The following CSMD1 variants were observed in gnomAD, a reference collection of about 807,000 sequenced individuals.
The protein encoded by CSMD1 is CUB and sushi domain-containing protein 1.
Under a neutral mutation model 417.5 loss-of-function variants are expected in CSMD1, and 213 were observed. The observed-to-expected ratio is 0.51, with a 90% CI of 0.46 to 0.57. The LOEUF is 0.57. CSMD1 is among the 20% of genes least tolerant of loss of function. The pLI is 0.00. For synonymous variants in CSMD1, 2,862 were observed against 1,736.8 expected (o/e 1.65, Z -16.11); for missense variants, 6,923 against 4,529.7 (o/e 1.53, Z -15.17).
intron 5 of CSMD1, 72 bp downstream of exon 5, chr8:3,997,831 T>C: frequency 2.2e-6 from 3 of 1,349,604 alleles, no homozygotes; most frequent in Non-Finnish European, 2.0e-6. Context: ...CAAGCAATTC[T>C]TGAAGCTCGT....
chr8:4,802,724 A>G (rs1277156763), intron 1 of CSMD1, among the ~76,000 whole-genome samples: 1 of 152,174 alleles, frequency 6.6e-6, no homozygotes, highest in African/African-American at 2.4e-5. Flanking sequence ...TATCTTCCAA[A>G]GAGAATGTTT....
intron 3 of CSMD1, among the ~76,000 whole-genome samples, chr8:4,135,784 G>C (rs1156839166): frequency 6.6e-6 from 1 of 152,006 alleles, no homozygotes; most frequent in East Asian, 1.9e-4. Flanking sequence ...ATTAATGATA[G>C]GAATAAAAAT....
chr8:3,832,616 T>A (rs1479697770), intron 5 of CSMD1, among the ~76,000 whole-genome samples: 1 of 152,238 alleles, frequency 6.6e-6, no homozygotes, highest in Admixed American at 6.5e-5. Flanking sequence ...ATGGCATGGG[T>A]TCTTGAAGGA....
At chr8:4,474,037 C>G (rs1800671590) in intron 2 of CSMD1, among the ~76,000 whole-genome samples, 1 of 151,916 alleles carries the variant, frequency 6.6e-6, no homozygotes, top group Non-Finnish European at 1.5e-5. Context: ...GAGATACTAT[C>G]AAAGAAATAA....
intron 5 of CSMD1, among the ~76,000 whole-genome samples, chr8:3,897,346 G>T (rs1344097454): frequency 1.3e-5 from 2 of 152,198 alleles, no homozygotes; most frequent in African/African-American, 2.4e-5. Flanking sequence ...CTTATAAGCA[G>T]TGTGCTCTAA....
At chr8:4,715,759 C>A (rs965194491) in intron 1 of CSMD1, among the ~76,000 whole-genome samples, 2 of 152,158 alleles carry the variant, frequency 1.3e-5, no homozygotes, top group Admixed American at 6.6e-5. Flanking sequence ...TCCAACTTGT[C>A]AGCAAATTCT....
chr8:4,850,373 C>G (rs1360436567), intron 1 of CSMD1, among the ~76,000 whole-genome samples: 2 of 135,066 alleles, frequency 1.5e-5, no homozygotes, highest in Non-Finnish European at 3.1e-5. Flanking sequence ...TTGATGAAAT[C>G]CAATTTATCT....
chr8:4,439,165 T>C (rs184186860), intron 2 of CSMD1, among the ~76,000 whole-genome samples: 1 of 152,188 alleles, frequency 6.6e-6, no homozygotes, highest in Non-Finnish European at 1.5e-5. Flanking sequence ...AAAGATTATT[T>C]CAATTAAGTA....
intron 3 of CSMD1, among the ~76,000 whole-genome samples, chr8:4,050,645 T>C (rs928667917): frequency 5.3e-5 from 8 of 152,084 alleles, no homozygotes; most frequent in African/African-American, 1.9e-4. Context: ...AAATACTAGA[T>C]CTTATTCGTT....
chr8:4,371,472 A>T (rs1802393113), intron 3 of CSMD1, among the ~76,000 whole-genome samples: 1 of 152,196 alleles, frequency 6.6e-6, no homozygotes, highest in Non-Finnish European at 1.5e-5. Flanking sequence ...GGGGATAGAA[A>T]ATATAATAAA....
chr8:3,929,846 G>A (rs1323141492), intron 5 of CSMD1, among the ~76,000 whole-genome samples: 1 of 149,574 alleles, frequency 6.7e-6, no homozygotes, highest in Non-Finnish European at 1.5e-5. Context: ...GTTTTTAGTA[G>A]AGACGCGGTT....
chr8:4,089,900 C>T (rs1277341455), intron 3 of CSMD1, among the ~76,000 whole-genome samples: 1 of 151,846 alleles, frequency 6.6e-6, no homozygotes, highest in Non-Finnish European at 1.5e-5. Flanking sequence ...GGGTCAGGGA[C>T]CTGATTGGAA....
chr8:4,761,750 C>G (rs1812083253), intron 1 of CSMD1, among the ~76,000 whole-genome samples: 1 of 152,084 alleles, frequency 6.6e-6, no homozygotes, highest in Admixed American at 6.6e-5. Context: ...TTATATTTAA[C>G]TACTGAGCAT....
At chr8:4,361,538 C>G (rs1801763866) in intron 3 of CSMD1, among the ~76,000 whole-genome samples, 1 of 152,256 alleles carries the variant, frequency 6.6e-6, no homozygotes, top group African/African-American at 2.4e-5. Context: ...GACCACGGTC[C>G]TACAAAGTTA....
chr8:3,887,254 A>C (rs1359969552), intron 5 of CSMD1, among the ~76,000 whole-genome samples: 1 of 152,174 alleles, frequency 6.6e-6, no homozygotes, highest in East Asian at 1.9e-4. Flanking sequence ...ATGTTCTTGC[A>C]CAGCAGTGGT....
chr8:4,436,611 G>C (rs1798163649), intron 2 of CSMD1, among the ~76,000 whole-genome samples: 1 of 152,016 alleles, frequency 6.6e-6, no homozygotes, highest in East Asian at 1.9e-4. Context: ...CAAGCAAATA[G>C]GTCTTATTCC....
At chr8:3,705,651 G>A (rs1010015594) in intron 7 of CSMD1, among the ~76,000 whole-genome samples, 2 of 152,220 alleles carry the variant, frequency 1.3e-5, no homozygotes, top group African/African-American at 2.4e-5. Flanking sequence ...TGCAGACCCT[G>A]AGCTAGACAT....
intron 1 of CSMD1, among the ~76,000 whole-genome samples, chr8:4,942,699 G>A (rs1398017061): frequency 6.6e-6 from 1 of 152,116 alleles, no homozygotes; most frequent in Non-Finnish European, 1.5e-5. Flanking sequence ...TAGGCAGTTT[G>A]GCAGACACAG....
chr8:3,490,177 C>T (rs566777296), intron 11 of CSMD1, among the ~76,000 whole-genome samples: 54 of 152,284 alleles, frequency 3.5e-4, no homozygotes, highest in African/African-American at 1.3e-3. Context: ...TTTCTTTCCT[C>T]TTCTGCAGCT....
Sources: gnomAD v4.1 joint callset for allele counts (sites outside exome capture counted in the v4.1 genomes callset) on GRCh38, gnomAD v4.1.1 for gene constraint, MANE v1.5 for transcripts, NCBI Gene and HGNC (gene_info 2026-07-23, HGNC 2026-07-21) for gene names.